Variants in HHIPL1 observed in about 807,000 individuals in gnomAD.
HHIPL1 encodes the protein HHIP like 1.
In HHIPL1, 43 loss-of-function variants were observed where a neutral mutation model predicts 61.8. That is an observed-to-expected ratio of 0.70 (90% CI 0.55 to 0.90). The LOEUF (loss-of-function observed/expected upper bound fraction) is 0.90, where lower values mean the gene tolerates loss of function less well. Among genes scored for constraint, HHIPL1 ranks in the 40% least tolerant of loss-of-function variants. HHIPL1 has a pLI of 0.00. For synonymous variants in HHIPL1, 482 were observed against 515.8 expected (o/e 0.93, Z 0.89); for missense variants, 1,056 against 1,157.7 (o/e 0.91, Z 1.28).
the HHIPL1 span, among the ~76,000 whole-genome samples, chr14:99,614,828 C>T: frequency 8.6e-5 from 13 of 152,000 alleles, no homozygotes; most frequent in Middle Eastern, 6.3e-3. Flanking sequence ...CACTTAATGC[C>T]CTGATTTTTT....
chr14:99,620,107 A>G, the HHIPL1 span, among the ~76,000 whole-genome samples: 1 of 152,126 alleles, frequency 6.6e-6, no homozygotes, highest in South Asian at 2.1e-4. Flanking sequence ...CTGTCAGGGC[A>G]ATGAGGGCCC....
In HHIPL1 at chr14:99,668,244, AG is replaced by A; in HGVS notation, c.1675del (p.Glu559SerfsTer14). On this transcript the variant is annotated frameshift_variant, in exon 7 of 9. Transcript: ENST00000330710. LOFTEE classifies it high-confidence loss of function. The surrounding 1 kb of genome is among the most constrained non-coding windows in gnomAD (Gnocchi z 4.7). ...EAGELYFMST[G>X]EPSATAPRGV... The stretch of plus-strand genomic sequence containing the variant: ...AAGGGGAGCTGTACTTCATGTCGAC[AG>A]GGGAGCCGAGTGCCACAGCTCCACG... 1.2e-6 allele frequency: 2 copies of A among 1,611,560 alleles called. No individual in the cohort carries two copies. The highest frequency in any genetic ancestry group is 1.7e-6 in the Non-Finnish European group (2 of 1,177,768).
the HHIPL1 span, among the ~76,000 whole-genome samples, chr14:99,630,359 C>T: frequency 2.0e-5 from 3 of 152,194 alleles, no homozygotes; most frequent in Non-Finnish European, 2.9e-5. Flanking sequence ...TCTGACTCCG[C>T]CTCCTCTGTC....
the HHIPL1 span, among the ~76,000 whole-genome samples, chr14:99,636,607 C>CAGCTCCACTCTCTAAGACAGTTCT: frequency 6.6e-6 from 1 of 152,076 alleles, no homozygotes; most frequent in Admixed American, 6.6e-5. Context: ...GAGTTCTAGA[C>CAGCTCCACTCTCTAAGACAGTTCT]AGCAGTTAAA....
At chr14:99,621,995 A>G in the HHIPL1 span, among the ~76,000 whole-genome samples, 687 of 152,172 alleles carry the variant, frequency 4.5e-3, 4 homozygotes, top group African/African-American at 0.015. Flanking sequence ...GATTACAGGC[A>G]TAAGCCACCG....
In HHIPL1 at chr14:99,660,308, G is replaced by T. The variant is rs781602115; in HGVS notation, c.1404G>T (p.Pro468=). Residue 468 remains proline (P), a synonymous_variant, in exon 5 of 9, where the codon CCG becomes CCT. Coordinates refer to ENST00000330710, the MANE Select transcript of HHIPL1 (RefSeq NM_001127258.3). This position sits in a 1 kb window ranked among gnomAD's most constrained non-coding sequence, Gnocchi z 4.9. ...ACTTGCTGCCGATTTTCGCCTACCC[G>T]CACACGGTTGGCAAGTCGGTCACAG... The part of the protein sequence containing the change: ...LNDLLPIFAY[P]HTVGKSVTGG... The T allele has an allele frequency of 1.2e-6, 2 of 1,613,862 alleles. No homozygotes were observed. The highest frequency in any genetic ancestry group is 1.7e-6 in the Non-Finnish European group (2 of 1,179,922).
chr14:99,629,524 T>C, the HHIPL1 span, among the ~76,000 whole-genome samples: 1 of 149,980 alleles, frequency 6.7e-6, no homozygotes, highest in African/African-American at 2.4e-5. Flanking sequence ...TTTTTTTTAA[T>C]GGAGTCTCTG....
Position 99,664,574 on chromosome 14 carries a change from G to A in HHIPL1, c.1648+1553G>A, listed in dbSNP as rs368367157. 2.5e-3 allele frequency among the ~76,000 whole-genome samples: 379 copies of A among 152,274 alleles called. 3 individuals carry two copies. Among genetic ancestry groups the A allele is most frequent in the African/African-American group, 8.1e-3 (338 of 41,558 alleles). On this transcript the variant is annotated intron_variant, in intron 6 of 8. Transcript: ENST00000330710. ...GGCAGTGGCCTCTGGACAGCACAGA[G>A]CCCGGAGCCCTGGGGTCCAACGCAA...
chr14:99,611,194 G>C, the HHIPL1 span, among the ~76,000 whole-genome samples: 1 of 151,988 alleles, frequency 6.6e-6, no homozygotes, highest in East Asian at 1.9e-4. Context: ...CAATGGTTCA[G>C]TCATGGCTGA....
chr14:99,638,550 T>C, the HHIPL1 span, among the ~76,000 whole-genome samples: 3 of 151,996 alleles, frequency 2.0e-5, no homozygotes, highest in African/African-American at 4.8e-5. Flanking sequence ...CCTGGAAACG[T>C]GGGCAATGCT....
upstream of HHIPL1, among the ~76,000 whole-genome samples, chr14:99,642,618 T>C (rs2055766905): frequency 6.6e-6 from 1 of 152,090 alleles, no homozygotes. Context: ...TTCCGCCTCC[T>C]GGGTTCACGC....
At chr14:99,657,230 G>A in intron 3 of HHIPL1, 87 bp downstream of exon 3, 1 of 1,461,748 alleles carries the variant, frequency 6.8e-7, no homozygotes, top group Non-Finnish European at 9.4e-7. Context: ...TCCTTCCTCG[G>A]CCAGGCATTG....
At chr14:99,649,822 G>C (rs749655598) in intron 1 of HHIPL1, among the ~76,000 whole-genome samples, 11 of 152,150 alleles carry the variant, frequency 7.2e-5, no homozygotes, top group Non-Finnish European at 1.2e-4. Flanking sequence ...AAATAAAATA[G>C]TGACAATGAC....
the HHIPL1 span, among the ~76,000 whole-genome samples, chr14:99,637,102 A>AAG: frequency 7.6e-6 from 1 of 130,940 alleles, no homozygotes; most frequent in African/African-American, 2.8e-5. Context: ...GAAGGAAGGA[A>AAG]AAAAGAAAGA....
the HHIPL1 span, among the ~76,000 whole-genome samples, chr14:99,612,832 A>G: frequency 1.3e-5 from 2 of 152,038 alleles, no homozygotes; most frequent in Non-Finnish European, 2.9e-5. Flanking sequence ...TCCAGCCCCC[A>G]CAGCCTCTGG....
upstream of HHIPL1, among the ~76,000 whole-genome samples, chr14:99,643,961 A>C (rs2055786797): frequency 6.6e-6 from 1 of 152,160 alleles, no homozygotes; most frequent in Admixed American, 6.5e-5. Flanking sequence ...GCTGATCTCA[A>C]GGTTACTTCA....
chr14:99,637,111 G>GAAAGAAAGAAAAGAA, the HHIPL1 span, among the ~76,000 whole-genome samples: 21,314 of 117,954 alleles, frequency 0.18, 3,617 homozygotes, highest in Non-Finnish European at 0.25. Context: ...AAAAAAGAAA[G>GAAAGAAAGAAAAGAA]AAAGAAAGAA....
intron 1 of HHIPL1, among the ~76,000 whole-genome samples, chr14:99,650,244 C>G (rs1459886947): frequency 6.6e-6 from 1 of 152,204 alleles, no homozygotes; most frequent in East Asian, 1.9e-4. Context: ...CTCCCCCAAA[C>G]GTCCCAGAGG....
rs769880296 is a variant in HHIPL1, at chr14:99,659,671, G to C, written c.1290G>C (p.Val430=). ...AGAACAAGTTCGAGGAGGTGGACGT[G>C]GTGGAGCGCGGCGGCAACTATGGCT... ...VGQNKFEEVD[V]VERGGNYGWR... The change falls in exon 4 of 9, where the codon GTG becomes GTC. Residue 430 remains valine, a synonymous_variant. Transcript: ENST00000330710. 6.5e-7 allele frequency: 1 copy of C among 1,538,164 alleles called. No homozygotes were observed. The highest frequency in any genetic ancestry group is 2.5e-5 in the East Asian group (1 of 40,786).
Sources: allele counts gnomAD v4.1 joint callset (sites outside exome capture counted in the v4.1 genomes callset), GRCh38; gene constraint gnomAD v4.1.1; non-coding constraint Gnocchi (gnomAD v3.1); transcripts MANE v1.5; gene names NCBI Gene and HGNC (gene_info 2026-07-23, HGNC 2026-07-21).